The following TMIGD1 variants were observed in gnomAD, a reference collection of about 807,000 sequenced individuals.
The protein encoded by TMIGD1 is transmembrane and immunoglobulin domain-containing protein 1.
In TMIGD1, 29 loss-of-function variants were observed where a neutral mutation model predicts 27.5. That is an observed-to-expected ratio of 1.05 (90% CI 0.78 to 1.44). The LOEUF (loss-of-function observed/expected upper bound fraction) is 1.44, where lower values mean the gene tolerates loss of function less well. Among genes scored for constraint, TMIGD1 ranks in the 40% most tolerant of loss-of-function variants. The pLI is 0.00. For synonymous variants in TMIGD1, 109 were observed against 110.3 expected (o/e 0.99, Z 0.07); for missense variants, 334 against 310.6 (o/e 1.08, Z -0.57).
chr17:30,316,576 C>G lies in TMIGD1; in HGVS notation c.*111G>C. The G allele has an allele frequency of 9.4e-7, 1 of 1,069,238 alleles. No individual in the cohort carries two copies. The allele number at this position is 1,069,238 out of a possible 1,614,324, so 66.2% of individuals were successfully genotyped here. ...AACTACTGTTAAGTGATTAATGAAA[C>G]AGGAGTGACAGGAGTGAATTTAATA... On this transcript the variant is annotated 3_prime_UTR_variant, in exon 7 of 7. Coordinates refer to ENST00000328886, the MANE Select transcript of TMIGD1 (RefSeq NM_206832.3).
At chr17:30,328,739 C>T (rs1397854012) in intron 3 of TMIGD1, among the ~76,000 whole-genome samples, 1 of 151,836 alleles carries the variant, frequency 6.6e-6, no homozygotes, top group Non-Finnish European at 1.5e-5. Context: ...GCGGTTCACT[C>T]GAGGTTAGGA....
At chr17:30,321,003 G>A (rs1453401159) in intron 4 of TMIGD1, among the ~76,000 whole-genome samples, 1 of 152,098 alleles carries the variant, frequency 6.6e-6, no homozygotes, top group Non-Finnish European at 1.5e-5. Flanking sequence ...TACTACAGGT[G>A]TACACCACCA....
At chr17:30,318,666 C>A (rs868845423) in intron 5 of TMIGD1, 144 bp downstream of exon 5, 2 of 571,232 alleles carry the variant, frequency 3.5e-6, no homozygotes, top group Non-Finnish European at 6.2e-6. Context: ...TTCCCTTGAG[C>A]AACTGTATTT....
chr17:30,333,334 G>A (rs899985157), intron 1 of TMIGD1, among the ~76,000 whole-genome samples: 3 of 151,702 alleles, frequency 2.0e-5, no homozygotes, highest in Middle Eastern at 3.4e-3. Flanking sequence ...CCAGCTACTC[G>A]GGAGGCTGAG....
intron 4 of TMIGD1, 79 bp from the exon 5 acceptor site, chr17:30,318,992 T>G: frequency 1.0e-6 from 1 of 967,710 alleles, no homozygotes; most frequent in Non-Finnish European, 1.7e-6. Context: ...TGCCTTGAAC[T>G]TTATGTGTGT....
intron 4 of TMIGD1, among the ~76,000 whole-genome samples, chr17:30,320,330 C>T (rs2143139894): frequency 6.6e-6 from 1 of 152,162 alleles, no homozygotes; most frequent in South Asian, 2.1e-4. Context: ...GCCACCGCAC[C>T]GGGCCAAGAG....
chr17:30,318,892 AT>A lies in TMIGD1; in HGVS notation c.661del (p.Ile221Ter). The A allele has an allele frequency of 2.5e-6, 4 of 1,613,542 alleles. No individual in the cohort carries two copies. Among genetic ancestry groups the A allele is most frequent in the Non-Finnish European group, 3.4e-6 (4 of 1,179,484 alleles). Reference sequence around the variant, plus strand: ...AACACATGCAGCAATAATGGGCTCTATTGGTACACCCACAGTTTTATCTGTA... The same window carrying A: ...AACACATGCAGCAATAATGGGCTCTATGGTACACCCACAGTTTTATCTGTA... ...IVKDKTVGVP[I>X]EPIIAACVVI... On this transcript the variant is annotated frameshift_variant, in exon 5 of 7. Coordinates refer to ENST00000328886, the MANE Select transcript of TMIGD1 (RefSeq NM_206832.3). LOFTEE classifies it high-confidence loss of function.
At chr17:30,329,653 AAT>A in intron 2 of TMIGD1, 124 bp from the exon 3 acceptor site, 3 of 687,806 alleles carry the variant, frequency 4.4e-6, no homozygotes, top group Non-Finnish European at 7.1e-6. Flanking sequence ...AACGATTAAA[AAT>A]AGTCATATTG....
Position 30,329,313 on chromosome 17 carries a change from C to T in TMIGD1, c.299G>A (p.Ser100Asn). The T allele has an allele frequency of 6.2e-7, 1 of 1,614,108 alleles. No individual in the cohort carries two copies. The highest frequency in any genetic ancestry group is 8.5e-7 in the Non-Finnish European group (1 of 1,180,028). ...ATCCCTCCCCAGCCTGCAGGTAAAG[C>T]TGATTCCGTTGTCATTTTCACTGAT... The part of the protein sequence containing the change: ...SSISENDNGI[S>N]FTCRLGRDQS... The change falls in exon 3 of 7, where the codon AGC becomes AAC. Residue 100 changes from serine to asparagine, a missense_variant. By Grantham distance (46) the Ser-to-Asn change is conservative (BLOSUM62 1). Coordinates refer to ENST00000328886, the MANE Select transcript of TMIGD1 (RefSeq NM_206832.3).
At chr17:30,316,951 A>G (rs1909434580) in intron 6 of TMIGD1, 1 of 626,400 alleles carries the variant, frequency 1.6e-6, no homozygotes, top group Non-Finnish European at 2.8e-6. Context: ...GCAGTTGCAC[A>G]AACATTGGGC....
chr17:30,332,949 A>C (rs1910027636), intron 1 of TMIGD1, among the ~76,000 whole-genome samples: 1 of 152,066 alleles, frequency 6.6e-6, no homozygotes, highest in Admixed American at 6.6e-5. Flanking sequence ...TAAGCCTCCT[A>C]ACAACCCTCC....
intron 4 of TMIGD1, among the ~76,000 whole-genome samples, chr17:30,320,079 C>G (rs1200423591): frequency 6.6e-6 from 1 of 151,732 alleles, no homozygotes; most frequent in Non-Finnish European, 1.5e-5. Flanking sequence ...CTCCTGTTGC[C>G]CAGGCTGGAG....
At chr17:30,332,861 T>C (rs1451828369) in intron 1 of TMIGD1, among the ~76,000 whole-genome samples, 2 of 152,198 alleles carry the variant, frequency 1.3e-5, no homozygotes, top group Non-Finnish European at 2.9e-5. Flanking sequence ...ACTATAAATA[T>C]AGCGAACCAC....
chr17:30,323,538 C>G (rs888238346), intron 4 of TMIGD1, among the ~76,000 whole-genome samples: 1 of 152,082 alleles, frequency 6.6e-6, no homozygotes, highest in Non-Finnish European at 1.5e-5. Flanking sequence ...TTGGAAGAGC[C>G]CCACCCAAAA....
intron 1 of TMIGD1, among the ~76,000 whole-genome samples, 200 bp from the exon 2 acceptor site, chr17:30,332,358 G>A (rs1223469569): frequency 6.6e-6 from 1 of 152,078 alleles, no homozygotes; most frequent in African/African-American, 2.4e-5. Context: ...TTTTTTAAAA[G>A]CAACATAAAA....
intron 3 of TMIGD1, 39 bp downstream of exon 3, chr17:30,329,212 A>T: frequency 6.2e-7 from 1 of 1,600,016 alleles, no homozygotes; most frequent in Non-Finnish European, 8.5e-7. Context: ...TGTTACAGAC[A>T]TTACAGACCC....
At chr17:30,332,883 T>A (rs1228836466) in intron 1 of TMIGD1, among the ~76,000 whole-genome samples, 2 of 152,132 alleles carry the variant, frequency 1.3e-5, no homozygotes, top group African/African-American at 4.8e-5. Context: ...TACGGAAAAC[T>A]TTCTGCGCAA....
At chr17:30,319,600 T>C (rs1177325330) in intron 4 of TMIGD1, among the ~76,000 whole-genome samples, 1 of 151,686 alleles carries the variant, frequency 6.6e-6, no homozygotes, top group Non-Finnish European at 1.5e-5. Flanking sequence ...AGAGCAGAAG[T>C]AGATTGAAGT....
In TMIGD1 at chr17:30,325,074, T is replaced by C. The variant is rs112814681; in HGVS notation, c.382A>G (p.Asn128Asp). ...NVTFPPLLSG[N>D]DFQTVEEGSN... ...CCTTCCTCAACTGTTTGGAAGTCGT[T>C]TCCACTTAGGAGAGGAGGAACTGCA... is the stretch of plus-strand genomic sequence containing the variant. Residue 128 changes from asparagine (N) to aspartate (D), a missense_variant, in exon 4 of 7, where the codon AAC becomes GAC. Asn to Asp is a conservative substitution (Grantham distance 23, BLOSUM62 1). Coordinates refer to ENST00000328886, the MANE Select transcript of TMIGD1 (RefSeq NM_206832.3). The C allele has an allele frequency of 1.9e-6, 3 of 1,613,240 alleles. No individual in the cohort carries two copies. The African/African-American group carries it at 4.0e-5, about 22-fold the overall frequency.
Sources: allele counts gnomAD v4.1 joint callset (sites outside exome capture counted in the v4.1 genomes callset), GRCh38; gene constraint gnomAD v4.1.1; transcripts MANE v1.5; gene names NCBI Gene and HGNC (gene_info 2026-07-23, HGNC 2026-07-21).